EHD4: variants seen among roughly 807,000 people sequenced by gnomAD.
The protein encoded by EHD4 is EH domain-containing protein 4.
In EHD4, 37 loss-of-function variants were observed where a neutral mutation model predicts 51.0. The observed-to-expected ratio is 0.73, with a 90% CI of 0.56 to 0.95. The LOEUF (loss-of-function observed/expected upper bound fraction) is 0.95, where lower values mean the gene tolerates loss of function less well. Among genes scored for constraint, EHD4 ranks in the 40% least tolerant of loss-of-function variants. EHD4 has a pLI of 0.00. For missense variants in EHD4, 632 were observed against 733.1 expected (o/e 0.86, Z 1.59); for synonymous variants, 297 against 317.3 (o/e 0.94, Z 0.68).
chr15:41,966,221 C>A (rs184146297), intron 1 of EHD4, among the ~76,000 whole-genome samples: 3 of 152,054 alleles, frequency 2.0e-5, no homozygotes, highest in Non-Finnish European at 4.4e-5. Flanking sequence ...CCTCAACCCG[C>A]GCCATCTGGC....
rs1435031097 is a variant in EHD4 at position 41,961,728 on chromosome 15, TAAG to T, written c.237-7791_237-7789del. 2.0e-5 allele frequency among the ~76,000 whole-genome samples: 3 copies of T among 152,314 alleles called. No homozygotes were observed. The East Asian group carries it at 5.8e-4, about 29-fold the overall frequency. ...TTTCTTAATGCAATTAATTTATAGA[TAAG>T]AAGCCACCAGCTGACATAATCTCTT... On this transcript the variant is annotated intron_variant, in intron 1 of 5. Coordinates refer to ENST00000220325, the MANE Select transcript of EHD4 (RefSeq NM_139265.4).
chr15:41,930,790 A>G (rs1009674021), intron 3 of EHD4, among the ~76,000 whole-genome samples: 3 of 152,250 alleles, frequency 2.0e-5, no homozygotes, highest in Admixed American at 2.0e-4. Context: ...AGAAAGACCC[A>G]GTCAGTGGGA....
At chr15:41,924,284 A>C (rs936298372) in intron 3 of EHD4, among the ~76,000 whole-genome samples, 8 of 152,232 alleles carry the variant, frequency 5.3e-5, no homozygotes, top group Admixed American at 3.9e-4. Flanking sequence ...TGGTCACACA[A>C]GATAGTGGCG....
At chr15:41,952,745 T>G (rs1014048267) in intron 2 of EHD4, among the ~76,000 whole-genome samples, 1 of 151,952 alleles carries the variant, frequency 6.6e-6, no homozygotes, top group Non-Finnish European at 1.5e-5. Flanking sequence ...ATCCCAGCAC[T>G]CTGGGAAGGC....
chr15:41,960,010 T>A (rs1472797683), intron 1 of EHD4, among the ~76,000 whole-genome samples: 1 of 151,790 alleles, frequency 6.6e-6, no homozygotes, highest in Non-Finnish European at 1.5e-5. Context: ...TATCCTTGTG[T>A]TTCACACCAG....
chr15:41,913,946 A>T (rs1187394892), intron 4 of EHD4, among the ~76,000 whole-genome samples: 2 of 152,216 alleles, frequency 1.3e-5, no homozygotes, highest in Non-Finnish European at 2.9e-5. Flanking sequence ...CTAATAACTC[A>T]ATGAGCAGAA....
intron 4 of EHD4, among the ~76,000 whole-genome samples, chr15:41,917,831 G>C (rs1371980917): frequency 6.6e-6 from 1 of 152,182 alleles, no homozygotes; most frequent in African/African-American, 2.4e-5. Context: ...GAAGCCACTT[G>C]GACCAGGAAG....
At chr15:41,916,477 C>T (rs977283159) in intron 4 of EHD4, among the ~76,000 whole-genome samples, 1 of 152,184 alleles carries the variant, frequency 6.6e-6, no homozygotes. Context: ...AAAAAACACA[C>T]ATAATGCAGA....
rs758690965 is a variant in EHD4 at position 41,919,330 on chromosome 15, C to T, written c.804G>A (p.Thr268=). 2.5e-5 allele frequency: 40 copies of T among 1,614,076 alleles called. No homozygotes were observed. The highest frequency in any genetic ancestry group is 2.9e-5 in the Non-Finnish European group (34 of 1,180,036). Residue 268 remains threonine, a synonymous_variant, in exon 4 of 6, where the codon ACG becomes ACA. Coordinates refer to ENST00000220325, the MANE Select transcript of EHD4 (RefSeq NM_139265.4). The part of the protein sequence containing the change: ...GSFWAQPLQN[T]DNRRLFEAEA... ...CAGCCTCGAAGAGCCGGCGGTTGTC[C>T]GTGTTCTGCAGGGGCTGCGCCCAGA...
At chr15:41,911,083 G>A (rs778833682) in intron 4 of EHD4, among the ~76,000 whole-genome samples, 8 of 152,338 alleles carry the variant, frequency 5.3e-5, no homozygotes, top group Middle Eastern at 3.4e-3. Context: ...CTGAGGGCCC[G>A]TGTGTGGACA....
chr15:41,909,717 AG>A lies in EHD4; in HGVS notation c.1070del (p.Pro357LeufsTer21). 6.2e-7 allele frequency: 1 copy of A among 1,614,174 alleles called. No homozygotes were observed. Among genetic ancestry groups the A allele is most frequent in the Non-Finnish European group, 8.5e-7 (1 of 1,180,018 alleles). On this transcript the variant is annotated frameshift_variant, in exon 5 of 6. Coordinates refer to ENST00000220325, the MANE Select transcript of EHD4 (RefSeq NM_139265.4). LOFTEE classifies it high-confidence loss of function. ...REYQISAGDF[P>X]EVKAMQEQLE... ...CCAGTACCTGCATAGCCTTGACCTC[AG>A]GGAAGTCCCCTGCAGAAATCTGGTA...
At chr15:41,930,262 T>C (rs2067689927) in intron 3 of EHD4, among the ~76,000 whole-genome samples, 1 of 152,178 alleles carries the variant, frequency 6.6e-6, no homozygotes, top group South Asian at 2.1e-4. Flanking sequence ...CACATGGAAA[T>C]TGTCCATTCC....
chr15:41,901,722 T>C (rs749885674), intron 5 of EHD4, among the ~76,000 whole-genome samples: 1 of 152,160 alleles, frequency 6.6e-6, no homozygotes, highest in Non-Finnish European at 1.5e-5. Context: ...TACCTTGTTT[T>C]CGGAACACGT....
rs2067459558 is a variant in EHD4, at chr15:41,899,205, T to G, written c.*1440A>C. ...CTGCATAAATAATGCAGAGAGGCCA[T>G]GCAGGTATGCAATTTTCTGGAGATG... On this transcript the variant is annotated 3_prime_UTR_variant, in exon 6 of 6. Coordinates refer to ENST00000220325, the MANE Select transcript of EHD4 (RefSeq NM_139265.4). The G allele has an allele frequency of 6.6e-6, 1 of 152,224 alleles. No individual in the cohort carries two copies. Among genetic ancestry groups the G allele is most frequent in the Non-Finnish European group, 1.5e-5 (1 of 68,046 alleles). The allele number at this position is 152,224 out of a possible 1,614,324, so 9.4% of individuals were successfully genotyped here.
At chr15:41,929,190 G>C (rs2067682958) in intron 3 of EHD4, among the ~76,000 whole-genome samples, 1 of 152,200 alleles carries the variant, frequency 6.6e-6, no homozygotes, top group African/African-American at 2.4e-5. Context: ...TCCGCTCTCT[G>C]CTCTTCCCAC....
At chr15:41,939,170 A>T (rs1216154731) in intron 3 of EHD4, among the ~76,000 whole-genome samples, 1 of 152,252 alleles carries the variant, frequency 6.6e-6, no homozygotes, top group Admixed American at 6.5e-5. Flanking sequence ...CAAGAAAGCA[A>T]TTTAGAAAAC....
At chr15:41,930,430 T>C (rs1342859751) in intron 3 of EHD4, among the ~76,000 whole-genome samples, 1 of 149,156 alleles carries the variant, frequency 6.7e-6, no homozygotes, top group Non-Finnish European at 1.5e-5. Flanking sequence ...AGGTCAAACA[T>C]TTATAAGCAA....
chr15:41,961,758 A>G (rs1704409), intron 1 of EHD4, among the ~76,000 whole-genome samples: 5,783 of 152,302 alleles, frequency 0.038, 383 homozygotes, highest in African/African-American at 0.13. Context: ...TAATCTCTTA[A>G]GGTGAAATAA....
At chr15:41,969,280 C>T (rs1438614828) in intron 1 of EHD4, among the ~76,000 whole-genome samples, 1 of 152,142 alleles carries the variant, frequency 6.6e-6, no homozygotes, top group Non-Finnish European at 1.5e-5. Flanking sequence ...GGCGCGGTGG[C>T]TCACGCCTGT....
Sources: allele counts gnomAD v4.1 joint callset (sites outside exome capture counted in the v4.1 genomes callset), GRCh38; gene constraint gnomAD v4.1.1; transcripts MANE v1.5; gene names NCBI Gene and HGNC (gene_info 2026-07-23, HGNC 2026-07-21).